Variants in HKDC1 observed in about 807,000 individuals in gnomAD.
HKDC1 encodes hexokinase HKDC1.
A neutral mutation model predicts 96.6 loss-of-function variants in HKDC1; 66 were observed. The observed-to-expected ratio is 0.68, with a 90% CI of 0.56 to 0.84. The LOEUF (loss-of-function observed/expected upper bound fraction) is 0.84. Among genes scored for constraint, HKDC1 ranks in the 40% least tolerant of loss-of-function variants. The pLI is 0.00. For missense variants in HKDC1, 1,211 were observed against 1,208.1 expected (o/e 1.00, Z -0.04); for synonymous variants, 466 against 473.1 (o/e 0.98, Z 0.20).
rs1248114108 is a variant in HKDC1, at chr10:69,248,747, C to T, written c.1570+19C>T. The T allele has an allele frequency of 1.3e-6, 2 of 1,570,262 alleles. No homozygotes were observed. Among genetic ancestry groups the T allele is most frequent in the South Asian group, 2.3e-5 (2 of 85,762 alleles). ...GGCACAGGTGGGCCAGCACAGCCTC[C>T]CTCTCTGAACAGCCATCCAGGGCTC... On this transcript the variant is annotated intron_variant, in intron 10 of 17. Coordinates refer to ENST00000354624, the MANE Select transcript of HKDC1 (RefSeq NM_025130.4).
intron 12 of HKDC1, among the ~76,000 whole-genome samples, chr10:69,252,263 G>A (rs1386052783): frequency 2.0e-5 from 3 of 152,104 alleles, no homozygotes; most frequent in Non-Finnish European, 2.9e-5. Context: ...TGTAATCCTA[G>A]CACTTTGGGA....
At chr10:69,244,551 C>T (rs886719315) in intron 7 of HKDC1, among the ~76,000 whole-genome samples, 5 of 152,152 alleles carry the variant, frequency 3.3e-5, no homozygotes, top group Non-Finnish European at 5.9e-5. Flanking sequence ...CCTGGTGGCT[C>T]ATGCGTGTAA....
chr10:69,257,583 T>C (rs1253314382), intron 14 of HKDC1, among the ~76,000 whole-genome samples, 157 bp downstream of exon 14: 2 of 152,216 alleles, frequency 1.3e-5, no homozygotes, highest in East Asian at 3.8e-4. Flanking sequence ...CCAAGTTCTT[T>C]CTGCATTAAG....
intron 1 of HKDC1, among the ~76,000 whole-genome samples, chr10:69,221,511 T>C (rs1296540400): frequency 6.6e-6 from 1 of 152,080 alleles, no homozygotes; most frequent in Non-Finnish European, 1.5e-5. Flanking sequence ...GAAGTCCTCC[T>C]AGCAGGAGGA....
chr10:69,242,429 G>GAAAAGAAGAA (rs1843468400), intron 6 of HKDC1, among the ~76,000 whole-genome samples: 1 of 115,360 alleles, frequency 8.7e-6, no homozygotes, highest in African/African-American at 3.2e-5. Context: ...AGATACTGAA[G>GAAAAGAAGAA]AAAAAAAAAA....
chr10:69,249,623 G>A (rs1843604170), intron 10 of HKDC1, among the ~76,000 whole-genome samples: 1 of 152,172 alleles, frequency 6.6e-6, no homozygotes, highest in South Asian at 2.1e-4. Flanking sequence ...AGCCTCCCGA[G>A]TAGCTGGGAC....
At chr10:69,244,167 G>T (rs138725454) in intron 7 of HKDC1, among the ~76,000 whole-genome samples, 1 of 152,128 alleles carries the variant, frequency 6.6e-6, no homozygotes, top group Non-Finnish European at 1.5e-5. Context: ...AATTGTTTCA[G>T]ATTTGGCCAA....
intron 2 of HKDC1, among the ~76,000 whole-genome samples, chr10:69,232,214 C>A (rs1433685224): frequency 6.6e-6 from 1 of 151,956 alleles, no homozygotes; most frequent in Non-Finnish European, 1.5e-5. Context: ...TTTGGAGTGG[C>A]TCTGGCCTAA....
chr10:69,249,031 C>T (rs1843593619), intron 10 of HKDC1: 2 of 252,572 alleles, frequency 7.9e-6, no homozygotes, highest in East Asian at 7.9e-5. Flanking sequence ...AGATCCTGAC[C>T]CCAGGAACTT....
chr10:69,247,332 C>T (rs368263203), intron 8 of HKDC1, 28 bp from the exon 9 acceptor site: 50 of 1,489,290 alleles, frequency 3.4e-5, no homozygotes, highest in Non-Finnish European at 4.3e-5. Flanking sequence ...GGAGAAGTGT[C>T]GTTCACTCAT....
intron 12 of HKDC1, among the ~76,000 whole-genome samples, chr10:69,255,916 CAA>C (rs33969502): frequency 0.63 from 88,222 of 140,376 alleles, 27,115 homozygotes; most frequent in Admixed American, 0.68. Context: ...GAATCTGTGT[CAA>C]AAAAAAAAAA....
At chr10:69,266,478 A>AAT in intron 17 of HKDC1, 132 bp from the exon 18 acceptor site, 2 of 942,794 alleles carry the variant, frequency 2.1e-6, no homozygotes, top group Non-Finnish European at 3.1e-6. Context: ...AAAAAAAAAA[A>AAT]TTAGAAGAAG....
At chr10:69,245,062 C>T (rs942220952) in intron 7 of HKDC1, among the ~76,000 whole-genome samples, 7 of 152,108 alleles carry the variant, frequency 4.6e-5, no homozygotes, top group Admixed American at 1.3e-4. Context: ...CCACCATGCC[C>T]GGCTAATTTT....
chr10:69,252,542 G>A (rs1203591698), intron 12 of HKDC1, among the ~76,000 whole-genome samples: 5 of 151,944 alleles, frequency 3.3e-5, no homozygotes, highest in Admixed American at 6.6e-5. Flanking sequence ...GCACTTGGGA[G>A]GCTGAGGCAG....
At chr10:69,245,891 A>T (rs1409109218) in intron 7 of HKDC1, among the ~76,000 whole-genome samples, 188 bp from the exon 8 acceptor site, 1 of 152,170 alleles carries the variant, frequency 6.6e-6, no homozygotes, top group Non-Finnish European at 1.5e-5. Context: ...TCGATGTGAG[A>T]ATGGTACCCA....
intron 1 of HKDC1, among the ~76,000 whole-genome samples, chr10:69,222,552 T>C (rs1589399318): frequency 1.3e-5 from 2 of 152,314 alleles, no homozygotes; most frequent in Non-Finnish European, 2.9e-5. Flanking sequence ...TGGGCTCCTT[T>C]GTGTTGGTTA....
chr10:69,259,840 A>C (rs1843780312), intron 15 of HKDC1, among the ~76,000 whole-genome samples: 1 of 152,134 alleles, frequency 6.6e-6, no homozygotes, highest in Non-Finnish European at 1.5e-5. Flanking sequence ...AACAGGGGGG[A>C]AATCCACCCC....
At chr10:69,240,005 C>A (rs1267353779) in intron 5 of HKDC1, among the ~76,000 whole-genome samples, 1 of 152,174 alleles carries the variant, frequency 6.6e-6, no homozygotes, top group Non-Finnish European at 1.5e-5. Flanking sequence ...GAAATCCAGA[C>A]AGGAAGTCAC....
intron 1 of HKDC1, among the ~76,000 whole-genome samples, chr10:69,221,367 A>G (rs941962796): frequency 6.6e-6 from 1 of 152,114 alleles, no homozygotes; most frequent in African/African-American, 2.4e-5. Flanking sequence ...GGCTGGTTAA[A>G]GGTTGCCAAG....
Sources: allele counts gnomAD v4.1 joint callset (sites outside exome capture counted in the v4.1 genomes callset), GRCh38; gene constraint gnomAD v4.1.1; transcripts MANE v1.5; gene names NCBI Gene and HGNC (gene_info 2026-07-23, HGNC 2026-07-21).